SLC24A2: variants seen among roughly 807,000 people sequenced by gnomAD.
SLC24A2 encodes the protein solute carrier family 24 member 2.
In SLC24A2, 36 loss-of-function variants were observed where a neutral mutation model predicts 62.0. The observed-to-expected ratio is 0.58, with a 90% CI of 0.44 to 0.77. The LOEUF (loss-of-function observed/expected upper bound fraction) is 0.77. SLC24A2 is among the 30% of genes least tolerant of loss of function. The pLI is 0.00. For synonymous variants in SLC24A2, 358 were observed against 294.0 expected, an observed-to-expected ratio of 1.22 and a Z score of -2.23; for missense variants, 846 against 817.9, an observed-to-expected ratio of 1.03 and a Z score of -0.42.
At chr9:19,644,946 TAA>T (rs752977250) in intron 2 of SLC24A2, among the ~76,000 whole-genome samples, 19 of 152,304 alleles carry the variant, frequency 1.2e-4, no homozygotes, top group Middle Eastern at 3.4e-3. Flanking sequence ...GCATTAAGCA[TAA>T]ATTGGAATTT....
the SLC24A2 span, among the ~76,000 whole-genome samples, chr9:20,106,753 A>C: frequency 6.6e-6 from 1 of 152,060 alleles, no homozygotes; most frequent in Non-Finnish European, 1.5e-5. Flanking sequence ...TACTGAATGG[A>C]CAAAAACTGG....
intron 5 of SLC24A2, among the ~76,000 whole-genome samples, chr9:19,581,173 G>A (rs1022958411): frequency 4.6e-5 from 7 of 152,162 alleles, no homozygotes; most frequent in Admixed American, 1.3e-4. Flanking sequence ...TAAGCATACA[G>A]GGCCTTGTTG....
At chr9:20,231,042 G>T in the SLC24A2 span, among the ~76,000 whole-genome samples, 1 of 152,170 alleles carries the variant, frequency 6.6e-6, no homozygotes, top group Admixed American at 6.5e-5. Flanking sequence ...TCAGATAGTT[G>T]TAGATATGCC....
At chr9:19,949,690 C>G in the SLC24A2 span, among the ~76,000 whole-genome samples, 1 of 152,214 alleles carries the variant, frequency 6.6e-6, no homozygotes, top group South Asian at 2.1e-4. Context: ...CAAAAGGAAG[C>G]TGCTTGCTCT....
the SLC24A2 span, among the ~76,000 whole-genome samples, chr9:20,111,116 C>T: frequency 7.9e-5 from 12 of 152,188 alleles, no homozygotes; most frequent in East Asian, 1.9e-4. Context: ...TTGCTAGTAG[C>T]CCTGGGAAGC....
chr9:19,982,279 G>A, the SLC24A2 span, among the ~76,000 whole-genome samples: 1 of 152,174 alleles, frequency 6.6e-6, no homozygotes, highest in Non-Finnish European at 1.5e-5. Flanking sequence ...GGAAGTGTGA[G>A]TGTGTGCAAG....
At chr9:19,569,095 A>G (rs886631024) in intron 7 of SLC24A2, among the ~76,000 whole-genome samples, 48 of 152,314 alleles carry the variant, frequency 3.2e-4, no homozygotes, top group African/African-American at 1.1e-3. Flanking sequence ...TTTAAGACAG[A>G]TGGTTGAAAC....
the SLC24A2 span, among the ~76,000 whole-genome samples, chr9:20,014,124 C>G: frequency 2.6e-5 from 4 of 152,076 alleles, no homozygotes; most frequent in Non-Finnish European, 5.9e-5. Flanking sequence ...CAGAAGATCT[C>G]TAGATTCTGG....
chr9:20,282,777 C>A, the SLC24A2 span, among the ~76,000 whole-genome samples: 1 of 152,170 alleles, frequency 6.6e-6, no homozygotes, highest in African/African-American at 2.4e-5. Context: ...ATCATTCTAA[C>A]ATCTGCATAC....
chr9:19,700,253 T>TTAC lies in SLC24A2; in HGVS notation c.931-77957_931-77955dup, dbSNP rs528683624. ...CCTCACAATTTGTCAAGTAGAGATA[T>TTAC]TACTGGCTTCTTCAGAAGGTGGATG... On this transcript the variant is annotated intron_variant, in intron 2 of 10. Transcript: ENST00000341998. Among the ~76,000 whole-genome samples, 456 of 152,260 alleles carry TTAC rather than the reference T, an allele frequency of 3.0e-3. 1 individual carries two copies. The highest frequency in any genetic ancestry group is 4.9e-3 in the Non-Finnish European group (333 of 68,008).
At chr9:19,963,050 C>A in the SLC24A2 span, among the ~76,000 whole-genome samples, 1 of 152,062 alleles carries the variant, frequency 6.6e-6, no homozygotes, top group Admixed American at 6.6e-5. Context: ...CCTAAGCCCT[C>A]AGAAATAACG....
intron 5 of SLC24A2, among the ~76,000 whole-genome samples, chr9:19,593,734 TG>T (rs1836624030): frequency 1.3e-5 from 2 of 152,100 alleles, no homozygotes; most frequent in African/African-American, 4.8e-5. Context: ...TACAACAAGC[TG>T]CAGTGGAACC....
At chr9:20,202,429 G>T in the SLC24A2 span, among the ~76,000 whole-genome samples, 2 of 152,128 alleles carry the variant, frequency 1.3e-5, no homozygotes, top group Admixed American at 6.5e-5. Flanking sequence ...TGCCATTTTC[G>T]ACAGGCGCAT....
the SLC24A2 span, among the ~76,000 whole-genome samples, chr9:20,291,304 A>G: frequency 6.6e-6 from 1 of 152,278 alleles, no homozygotes; most frequent in Middle Eastern, 3.4e-3. Flanking sequence ...TGGTTGGGGA[A>G]ATCAAGAAAG....
At chr9:19,579,660 G>A (rs1005046042) in intron 5 of SLC24A2, among the ~76,000 whole-genome samples, 1 of 152,058 alleles carries the variant, frequency 6.6e-6, no homozygotes, top group Non-Finnish European at 1.5e-5. Context: ...ATTCAGAAGC[G>A]GCAACAAATA....
the SLC24A2 span, among the ~76,000 whole-genome samples, chr9:20,293,612 C>T: frequency 6.6e-6 from 1 of 152,210 alleles, no homozygotes; most frequent in Non-Finnish European, 1.5e-5. Context: ...TCTTGGCCTT[C>T]TGGCTCAAGT....
chr9:20,152,583 G>A, the SLC24A2 span, among the ~76,000 whole-genome samples: 11 of 151,978 alleles, frequency 7.2e-5, no homozygotes, highest in Non-Finnish European at 1.3e-4. Flanking sequence ...CAAGGTGACT[G>A]TTTGAATTCT....
chr9:20,055,752 G>A, the SLC24A2 span, among the ~76,000 whole-genome samples: 1 of 152,110 alleles, frequency 6.6e-6, no homozygotes, highest in Non-Finnish European at 1.5e-5. Flanking sequence ...GCCAGGTGTG[G>A]TGGTGGGAGC....
At chr9:20,064,269 A>G in the SLC24A2 span, among the ~76,000 whole-genome samples, 1 of 152,220 alleles carries the variant, frequency 6.6e-6, no homozygotes, top group African/African-American at 2.4e-5. Context: ...ACAAAAATGC[A>G]TATTTATAAA....
Sources: allele counts gnomAD v4.1 joint callset (sites outside exome capture counted in the v4.1 genomes callset), GRCh38; gene constraint gnomAD v4.1.1; transcripts MANE v1.5; gene names NCBI Gene and HGNC (gene_info 2026-07-23, HGNC 2026-07-21).